Variants in SEMA5A observed in about 807,000 individuals in gnomAD.
SEMA5A encodes the protein semaphorin-5A.
In SEMA5A, 55 loss-of-function variants were observed where a neutral mutation model predicts 135.5. The ratio of observed to expected loss-of-function variants is 0.41; its 90% CI spans 0.33 to 0.51. SEMA5A has a LOEUF of 0.51. Among genes scored for constraint, SEMA5A ranks in the 20% least tolerant of loss-of-function variants. SEMA5A has a pLI of 0.37. For synonymous variants in SEMA5A, 580 were observed against 546.5 expected (o/e 1.06, Z -0.85); for missense variants, 1,290 against 1,419.9 (o/e 0.91, Z 1.47).
At chr5:9,117,626 C>T (rs955015755) in intron 15 of SEMA5A, among the ~76,000 whole-genome samples, 2 of 152,048 alleles carry the variant, frequency 1.3e-5, no homozygotes, top group African/African-American at 2.4e-5. Context: ...GTCAAAAAAC[C>T]GTGTGGAAAT....
chr5:9,273,096 A>C (rs888330446), intron 5 of SEMA5A, among the ~76,000 whole-genome samples: 8 of 152,158 alleles, frequency 5.3e-5, no homozygotes, highest in African/African-American at 1.9e-4. Flanking sequence ...CAATGCAAGG[A>C]AGCTAAGAAC....
At chr5:9,319,265 AAAAAG>A (rs1208660658) in intron 4 of SEMA5A, among the ~76,000 whole-genome samples, 1 of 152,138 alleles carries the variant, frequency 6.6e-6, no homozygotes, top group Non-Finnish European at 1.5e-5. Flanking sequence ...GATTTGGTTT[AAAAAG>A]AAAAGAAAAG....
chr5:9,346,107 C>T (rs1406429437), intron 3 of SEMA5A, among the ~76,000 whole-genome samples: 1 of 152,066 alleles, frequency 6.6e-6, no homozygotes, highest in African/African-American at 2.4e-5. Flanking sequence ...CATCCTGTGC[C>T]TATAAAGACC....
chr5:9,054,228 A>AG lies in SEMA5A; in HGVS notation c.2547dup (p.Trp850LeufsTer58). On this transcript the variant is annotated frameshift_variant, in exon 19 of 23. Coordinates refer to ENST00000382496, the MANE Select transcript of SEMA5A (RefSeq NM_003966.3). LOFTEE classifies it high-confidence loss of function. The stretch of plus-strand genomic sequence containing the variant: ...CCGCATGTTGCTGAACATTTTGTCC[A>AG]GGGGGACCAGCAAGACCACACGCCA... 1 of 1,613,886 alleles carries AG rather than the reference A, an allele frequency of 6.2e-7. No individual in the cohort carries two copies. The highest frequency in any genetic ancestry group is 8.5e-7 in the Non-Finnish European group (1 of 1,179,912).
At chr5:9,077,682 G>A (rs1738142617) in intron 16 of SEMA5A, among the ~76,000 whole-genome samples, 1 of 152,182 alleles carries the variant, frequency 6.6e-6, no homozygotes, top group South Asian at 2.1e-4. Flanking sequence ...AGCCTGGGAT[G>A]GATGCGACTT....
At chr5:9,319,450 C>T (rs986219797) in intron 4 of SEMA5A, among the ~76,000 whole-genome samples, 14 of 152,014 alleles carry the variant, frequency 9.2e-5, no homozygotes, top group African/African-American at 3.4e-4. Context: ...GTAGAGGACA[C>T]AGAAAAAAGA....
At chr5:9,516,875 C>T (rs1428788642) in intron 1 of SEMA5A, 1 of 152,230 alleles carries the variant, frequency 6.6e-6, no homozygotes, top group Non-Finnish European at 1.5e-5. Context: ...GTCATTCTTA[C>T]TTAAAGAACA....
At chr5:9,505,721 G>A (rs1735845914) in intron 1 of SEMA5A, among the ~76,000 whole-genome samples, 1 of 152,206 alleles carries the variant, frequency 6.6e-6, no homozygotes, top group Non-Finnish European at 1.5e-5. Context: ...TTTCCCAAGA[G>A]GAAGGCCAAA....
At chr5:9,333,393 T>A (rs937004106) in intron 4 of SEMA5A, among the ~76,000 whole-genome samples, 14 of 152,360 alleles carry the variant, frequency 9.2e-5, no homozygotes, top group South Asian at 2.1e-4. Flanking sequence ...CCAAGTTAGT[T>A]GGCATTTGGA....
intron 2 of SEMA5A, among the ~76,000 whole-genome samples, chr5:9,388,056 C>T (rs1755974249): frequency 6.6e-6 from 1 of 152,212 alleles, no homozygotes; most frequent in Non-Finnish European, 1.5e-5. Flanking sequence ...ACTCCAGAAA[C>T]ACTACTCACT....
rs1418045058 is a variant in SEMA5A at position 9,052,825 on chromosome 5, TG to T, written c.2690-798del. On this transcript the variant is annotated intron_variant, in intron 19 of 22. Coordinates refer to ENST00000382496, the MANE Select transcript of SEMA5A (RefSeq NM_003966.3). ...TAAGAAGGTTAAAAAAAAAAAACTC[TG>T]GATATTGTTTATGGAATTTTAATCA... Among the ~76,000 whole-genome samples, 5 of 152,064 alleles carry T rather than the reference TG, an allele frequency of 3.3e-5. No individual in the cohort carries two copies. The East Asian group carries it at 9.6e-4, about 29-fold the overall frequency.
At chr5:9,350,616 G>A (rs1417337335) in intron 3 of SEMA5A, among the ~76,000 whole-genome samples, 1 of 152,192 alleles carries the variant, frequency 6.6e-6, no homozygotes, top group Non-Finnish European at 1.5e-5. Context: ...AGCATTCCAT[G>A]CTTTTGTGAT....
chr5:9,044,057 G>A lies in SEMA5A; in HGVS notation c.3105+316C>T, dbSNP rs116464229. On this transcript the variant is annotated intron_variant, in intron 22 of 22. Transcript: ENST00000382496. ...TTCATTCCCCAGATCTACCATCTGAGTGAGGGGAGATGCTCATGGCTTGTG... is the reference window on the plus strand; with the variant it reads ...TTCATTCCCCAGATCTACCATCTGAATGAGGGGAGATGCTCATGGCTTGTG... Among the ~76,000 whole-genome samples the A allele has an allele frequency of 2.0e-3, 302 of 152,302 alleles. 1 individual carries two copies. Among genetic ancestry groups the A allele is most frequent in the African/African-American group, 6.9e-3 (285 of 41,572 alleles).
In SEMA5A at chr5:9,040,484, A is replaced by C. The variant is rs1463215354; in HGVS notation, c.*2413T>G. 6.6e-6 allele frequency: 1 copy of C among 152,264 alleles called. No individual in the cohort carries two copies. Among genetic ancestry groups the C allele is most frequent in the East Asian group, 1.9e-4 (1 of 5,204 alleles). The allele number at this position is 152,264 out of a possible 1,614,324, so 9.4% of individuals were successfully genotyped here. A position where few individuals can be genotyped will look rare whatever the true frequency, so the allele number is the denominator to read the frequency against. On this transcript the variant is annotated 3_prime_UTR_variant, in exon 23 of 23. Coordinates refer to ENST00000382496, the MANE Select transcript of SEMA5A (RefSeq NM_003966.3). The stretch of plus-strand genomic sequence containing the variant: ...GTGATGGACAAACACAACTTATTCC[A>C]CAGCTGGTAAAATACTTAGAATATA...
intron 11 of SEMA5A, 138 bp downstream of exon 11, chr5:9,190,129 G>A (rs2150346191): frequency 2.6e-6 from 2 of 758,670 alleles, no homozygotes; most frequent in Non-Finnish European, 4.3e-6. Context: ...AGATAAGTGA[G>A]CATCGCGGGT....
chr5:9,198,701 T>G (rs1745547330), intron 9 of SEMA5A, among the ~76,000 whole-genome samples: 1 of 152,208 alleles, frequency 6.6e-6, no homozygotes, highest in Admixed American at 6.5e-5. Flanking sequence ...TTTGCTCTTT[T>G]GACTCTTCAT....
intron 5 of SEMA5A, among the ~76,000 whole-genome samples, chr5:9,316,771 A>G (rs575342037): frequency 5.0e-4 from 76 of 152,218 alleles, no homozygotes; most frequent in African/African-American, 1.7e-3. Context: ...GGTATCTCAC[A>G]TACTTTATTT....
intron 11 of SEMA5A, among the ~76,000 whole-genome samples, chr5:9,161,295 C>A (rs1365733906): frequency 1.3e-5 from 2 of 152,046 alleles, no homozygotes; most frequent in East Asian, 3.9e-4. Context: ...CCCACAAAAA[C>A]CCTCAAGCAC....
chr5:9,312,907 T>C (rs922988624), intron 5 of SEMA5A, among the ~76,000 whole-genome samples: 2 of 152,136 alleles, frequency 1.3e-5, no homozygotes, highest in African/African-American at 4.8e-5. Context: ...TTCAGTATGG[T>C]TCTACAGAGC....
Sources: gnomAD v4.1 joint callset for allele counts (sites outside exome capture counted in the v4.1 genomes callset) on GRCh38, gnomAD v4.1.1 for gene constraint, MANE v1.5 for transcripts, NCBI Gene and HGNC (gene_info 2026-07-23, HGNC 2026-07-21) for gene names.